Variants in EDN3 observed in about 807,000 individuals in gnomAD.
The protein encoded by EDN3 is endothelin-3.
In EDN3, 9 loss-of-function variants were observed where a neutral mutation model predicts 21.4. The observed-to-expected ratio is 0.42, with a 90% CI of 0.25 to 0.73. The LOEUF (loss-of-function observed/expected upper bound fraction) is 0.73. EDN3 is among the 30% of genes least tolerant of loss of function. EDN3 has a pLI of 0.26. For synonymous variants in EDN3, 133 were observed against 126.2 expected, an observed-to-expected ratio of 1.05 and a Z score of -0.36; for missense variants, 327 against 309.4, an observed-to-expected ratio of 1.06 and a Z score of -0.43.
intron 4 of EDN3, 101 bp from the exon 5 acceptor site, chr20:59,324,230 A>C: frequency 1.4e-6 from 2 of 1,445,300 alleles, no homozygotes; most frequent in South Asian, 2.3e-5. Flanking sequence ...CTGGAGAGGC[A>C]GTGGGAAGAC....
intron 2 of EDN3, among the ~76,000 whole-genome samples, chr20:59,315,373 A>G (rs771869693): frequency 6.6e-6 from 1 of 152,242 alleles, no homozygotes; most frequent in Non-Finnish European, 1.5e-5. Context: ...TTTCTGTACA[A>G]TATGTCCCCT....
rs11570265 is a variant in EDN3, at chr20:59,303,340, C to T, written c.365+1618C>T. On this transcript the variant is annotated intron_variant, in intron 2 of 4. Transcript: ENST00000337938. Reference sequence around the variant, plus strand: ...TCAATTGCCTCTTATCCTCAGATAGCGAGGGGAGTCACCTTTCCTTGTAGC... The same window carrying T: ...TCAATTGCCTCTTATCCTCAGATAGTGAGGGGAGTCACCTTTCCTTGTAGC... 9.3e-3 allele frequency among the ~76,000 whole-genome samples: 1,410 copies of T among 152,256 alleles called. 16 individuals carry two copies. Among genetic ancestry groups the T allele is most frequent in the African/African-American group, 0.032 (1,316 of 41,546 alleles).
In EDN3 at chr20:59,305,485, A is replaced by G. The variant is rs1178394441; in HGVS notation, c.365+3763A>G. Among the ~76,000 whole-genome samples the G allele has an allele frequency of 6.6e-6, 1 of 152,204 alleles. No homozygotes were observed. Among genetic ancestry groups the G allele is most frequent in the African/African-American group, 2.4e-5 (1 of 41,462 alleles). On this transcript the variant is annotated intron_variant, in intron 2 of 4. Transcript: ENST00000337938. The surrounding 1 kb of genome is among the most constrained non-coding windows in gnomAD (Gnocchi z 4.2). ...GAGACAGAACCAACAGGGTGTGTGC[A>G]TGTCTGCAGATTATGCATATATCAG...
intron 2 of EDN3, among the ~76,000 whole-genome samples, chr20:59,304,840 C>T (rs549150369): frequency 5.3e-5 from 8 of 152,276 alleles, no homozygotes; most frequent in East Asian, 3.9e-4. Flanking sequence ...CTTCCAGACC[C>T]GAGCTTGGTC....
chr20:59,316,817 T>A (rs1990216610), intron 2 of EDN3, among the ~76,000 whole-genome samples: 1 of 152,174 alleles, frequency 6.6e-6, no homozygotes, highest in African/African-American at 2.4e-5. Context: ...AATACATAAG[T>A]TGAGTGATAA....
chr20:59,307,362 G>A (rs1230038124), intron 2 of EDN3, among the ~76,000 whole-genome samples: 2 of 152,166 alleles, frequency 1.3e-5, no homozygotes, highest in Non-Finnish European at 2.9e-5. Flanking sequence ...TTAGTTGGAT[G>A]CTATTGTCCC....
chr20:59,301,453 C>T lies in EDN3; in HGVS notation c.96C>T (p.Gly32=), dbSNP rs886972343. The part of the protein sequence containing the change: ...CSQSGDAGRR[G]VSQAPTAARS... ...AGTCTGGGGATGCTGGCAGGCGCGGCGTGTCCCAGGCCCCCACTGCAGCCA... is the reference window on the plus strand; with the variant it reads ...AGTCTGGGGATGCTGGCAGGCGCGGTGTGTCCCAGGCCCCCACTGCAGCCA... The change falls in exon 2 of 5, where the codon GGC becomes GGT. Residue 32 remains glycine (G), a synonymous_variant. Coordinates refer to ENST00000337938, the MANE Select transcript of EDN3 (RefSeq NM_207034.3). 6.2e-7 allele frequency: 1 copy of T among 1,613,202 alleles called. No homozygotes were observed. The highest frequency in any genetic ancestry group is 8.5e-7 in the Non-Finnish European group (1 of 1,180,024).
At position 59,322,257 on chromosome 20, in the gene EDN3, T is replaced by C; in HGVS notation, c.543-115T>C. The C allele has an allele frequency of 8.6e-7, 1 of 1,166,212 alleles. No homozygotes were observed. Among genetic ancestry groups the C allele is most frequent in the Admixed American group, 1.8e-5 (1 of 55,134 alleles). 72.2% of individuals were successfully genotyped at this position (1,166,212 alleles called of 1,614,324 possible). A position where few individuals can be genotyped will look rare whatever the true frequency, so the allele number is the denominator to read the frequency against. ...GAAACTGTGCCTGAGACGCAGTCCT[T>C]GGGGAACGCACTAATGTGCTCATTG... On this transcript the variant is annotated intron_variant, in intron 3 of 4. Coordinates refer to ENST00000337938, the MANE Select transcript of EDN3 (RefSeq NM_207034.3). The surrounding 1 kb of genome is among the most constrained non-coding windows in gnomAD (Gnocchi z 4.1).
chr20:59,316,527 C>G (rs1396738888), intron 2 of EDN3, among the ~76,000 whole-genome samples: 1 of 152,186 alleles, frequency 6.6e-6, no homozygotes, highest in Non-Finnish European at 1.5e-5. Flanking sequence ...GTCTCCTGAT[C>G]AGAAAGATGG....
chr20:59,322,405 A>C lies in EDN3; in HGVS notation c.576A>C (p.Glu192Asp). 1 of 1,614,202 alleles carries C rather than the reference A, an allele frequency of 6.2e-7. No individual in the cohort carries two copies. The highest frequency in any genetic ancestry group is 1.1e-5 in the South Asian group (1 of 91,082). ...NSRTAEKTDK[E>D]EEGKVEVKDQ... ...GGACGGCAGAAAAAACAGACAAAGA[A>C]GAGGAAGGGAAGGTGAGAGGTGCCA... is the stretch of plus-strand genomic sequence containing the variant. Residue 192 changes from glutamate to aspartate, a missense_variant, in exon 4 of 5, where the codon GAA becomes GAC. Coordinates refer to ENST00000337938, the MANE Select transcript of EDN3 (RefSeq NM_207034.3). The surrounding 1 kb of genome is among the most constrained non-coding windows in gnomAD (Gnocchi z 4.1).
intron 2 of EDN3, among the ~76,000 whole-genome samples, chr20:59,317,943 A>G (rs1304742794): frequency 6.6e-6 from 1 of 152,204 alleles, no homozygotes; most frequent in Non-Finnish European, 1.5e-5. Context: ...AGACTTGGGT[A>G]AGAAACACTG....
chr20:59,316,556 T>G (rs1038525248), intron 2 of EDN3, among the ~76,000 whole-genome samples: 1 of 152,222 alleles, frequency 6.6e-6, no homozygotes, highest in African/African-American at 2.4e-5. Flanking sequence ...AATTCATTCA[T>G]GAAAAGGCAA....
At position 59,305,688 on chromosome 20, in the gene EDN3, G is replaced by A. The variant is rs1475414618; in HGVS notation, c.365+3966G>A. Among the ~76,000 whole-genome samples the A allele has an allele frequency of 2.6e-5, 4 of 152,130 alleles. No individual in the cohort carries two copies. Among genetic ancestry groups the A allele is most frequent in the Non-Finnish European group, 4.4e-5 (3 of 68,026 alleles). ...GGGCTGGCAGGCCAGAAATCTGCAT[G>A]CCACCAGGCTGAAAATTCCCGAGGG... On this transcript the variant is annotated intron_variant, in intron 2 of 4. Coordinates refer to ENST00000337938, the MANE Select transcript of EDN3 (RefSeq NM_207034.3). This position sits in a 1 kb window ranked among gnomAD's most constrained non-coding sequence, Gnocchi z 4.2.
chr20:59,323,572 T>C (rs1990674035), intron 4 of EDN3: 1 of 398,902 alleles, frequency 2.5e-6, no homozygotes, highest in Non-Finnish European at 4.4e-6. Flanking sequence ...TAAAGTGAGA[T>C]TGCAAAGAAT....
rs182898354 is a variant in EDN3 at position 59,322,830 on chromosome 20, C to T, written c.588+413C>T. 3.5e-4 allele frequency among the ~76,000 whole-genome samples: 54 copies of T among 152,266 alleles called. No individual in the cohort carries two copies. The East Asian group carries it at 9.1e-3, about 26-fold the overall frequency. On this transcript the variant is annotated intron_variant, in intron 4 of 4. Transcript: ENST00000337938. The surrounding 1 kb of genome is among the most constrained non-coding windows in gnomAD (Gnocchi z 4.1). The stretch of plus-strand genomic sequence containing the variant: ...TTCCTTAGCAACATGTGGTCTTTCT[C>T]GTCAAAAAAATCATTTATTCTTTTC...
chr20:59,320,132 T>C (rs1990434334), intron 2 of EDN3, among the ~76,000 whole-genome samples: 1 of 152,120 alleles, frequency 6.6e-6, no homozygotes, highest in Admixed American at 6.5e-5. Context: ...ATAAACGAAA[T>C]TGGTCAATGG....
chr20:59,309,753 G>A (rs950173373), intron 2 of EDN3, among the ~76,000 whole-genome samples: 20 of 152,116 alleles, frequency 1.3e-4, no homozygotes, highest in African/African-American at 4.3e-4. Context: ...GCTAAGTTTC[G>A]CAGTTTGTTG....
intron 1 of EDN3, among the ~76,000 whole-genome samples, chr20:59,301,109 A>T (rs1988982028): frequency 6.6e-6 from 1 of 152,210 alleles, no homozygotes; most frequent in East Asian, 1.9e-4. Flanking sequence ...CGACTTGGTC[A>T]ATTTTTCATG....
At position 59,316,357 on chromosome 20, in the gene EDN3, C is replaced by G. The variant is rs1303024915; in HGVS notation, c.366-4660C>G. ...AGTCCAGCGCCTGCATGTTGAAAAG[C>G]AGTTGGCAAATATTTGTTGAATGCT... is the stretch of plus-strand genomic sequence containing the variant. On this transcript the variant is annotated intron_variant, in intron 2 of 4. Transcript: ENST00000337938. Among the ~76,000 whole-genome samples, 6 of 152,166 alleles carry G rather than the reference C, an allele frequency of 3.9e-5. No individual in the cohort carries two copies. The East Asian group carries it at 1.2e-3, about 29-fold the overall frequency.
Sources: gnomAD v4.1 joint callset for allele counts (sites outside exome capture counted in the v4.1 genomes callset) on GRCh38, gnomAD v4.1.1 for gene constraint, Gnocchi (gnomAD v3.1) non-coding constraint, MANE v1.5 for transcripts, NCBI Gene and HGNC (gene_info 2026-07-23, HGNC 2026-07-21) for gene names.